The following PHF3 variants were observed in gnomAD, a reference collection of about 807,000 sequenced individuals.
PHF3 encodes the protein PHD finger protein 3.
PHF3 carries 41 observed loss-of-function variants against 178.4 expected under a neutral mutation model. The ratio of observed to expected loss-of-function variants is 0.23; its 90% CI spans 0.18 to 0.30. The LOEUF is 0.30. Ranked by LOEUF, PHF3 falls within the 10% of genes least tolerant of loss-of-function variation. The probability of loss-of-function intolerance (pLI) is 1.00; values close to 1 mark genes in which losing one functional copy is unlikely to be tolerated. For missense variants in PHF3, 2,346 were observed against 2,398.1 expected (o/e 0.98, Z 0.45); for synonymous variants, 842 against 800.5 (o/e 1.05, Z -0.88).
chr6:63,703,488 G>T (rs759208992), intron 10 of PHF3, 48 bp from the exon 11 acceptor site: 2 of 1,565,358 alleles, frequency 1.3e-6, no homozygotes, highest in Admixed American at 2.1e-5. Context: ...TGATAATTGA[G>T]GCCAAATTTT....
At chr6:63,640,295 A>T (rs1764517779) in intron 1 of PHF3, among the ~76,000 whole-genome samples, 2 of 152,198 alleles carry the variant, frequency 1.3e-5, no homozygotes, top group Admixed American at 1.3e-4. Flanking sequence ...ATAACCCATG[A>T]TTCATCTTTA....
At chr6:63,639,490 G>T (rs1561933802) in intron 1 of PHF3, among the ~76,000 whole-genome samples, 1 of 151,930 alleles carries the variant, frequency 6.6e-6, no homozygotes, top group Admixed American at 6.5e-5. Context: ...TTTTATTTTG[G>T]AAGAAGGATG....
Position 63,680,064 on chromosome 6 carries a change from TGAA to T in PHF3, c.316_318del (p.Glu106del), listed in dbSNP as rs1395752094. 3 of 1,612,914 alleles carry T rather than the reference TGAA, an allele frequency of 1.9e-6. No homozygotes were observed. The highest frequency in any genetic ancestry group is 1.1e-5 in the South Asian group (1 of 91,000). ...AAGAAAGTGGCAATGATACCATTGATGAAGAAGAACTGATTTTACCTAACAGGA... is the reference window on the plus strand; with the variant it reads ...AAGAAAGTGGCAATGATACCATTGATGAAGAACTGATTTTACCTAACAGGA... On this transcript the variant is annotated inframe_deletion, in exon 3 of 16. Coordinates refer to ENST00000262043, the MANE Select transcript of PHF3 (RefSeq NM_001370348.2).
At chr6:63,686,561 C>A (rs1158486344) in intron 4 of PHF3, among the ~76,000 whole-genome samples, 3 of 152,086 alleles carry the variant, frequency 2.0e-5, no homozygotes, top group Non-Finnish European at 2.9e-5. Flanking sequence ...TGACTTTCAT[C>A]ATTCTTTCTA....
At position 63,712,195 on chromosome 6, in the gene PHF3, A is replaced by T; in HGVS notation, c.4607A>T (p.Lys1536Met). ...KVDNISESTD[K>M]SAEIETSVVG... ...GATAATATTTCAGAATCTACAGATAAGTCAGCAGAAATAGAAACATCAGTA... is the reference window on the plus strand; with the variant it reads ...GATAATATTTCAGAATCTACAGATATGTCAGCAGAAATAGAAACATCAGTA... Residue 1536 changes from lysine (K) to methionine (M), a missense_variant, in exon 16 of 16, where the codon AAG becomes ATG. By Grantham distance (95) the Lys-to-Met change is moderately conservative. Coordinates refer to ENST00000262043, the MANE Select transcript of PHF3 (RefSeq NM_001370348.2). The T allele has an allele frequency of 1.9e-6, 3 of 1,614,002 alleles. No homozygotes were observed. Among genetic ancestry groups the T allele is most frequent in the Non-Finnish European group, 2.5e-6 (3 of 1,179,894 alleles).
chr6:63,713,916 G>T lies in PHF3; in HGVS notation c.*208G>T. 2.5e-6 allele frequency: 1 copy of T among 404,764 alleles called. No homozygotes were observed. The highest frequency in any genetic ancestry group is 1.0e-4 in the South Asian group (1 of 9,912). The allele number at this position is 404,764 out of a possible 1,614,324, so 25.1% of individuals were successfully genotyped here. A position where few individuals can be genotyped will look rare whatever the true frequency, so the allele number is the denominator to read the frequency against. On this transcript the variant is annotated 3_prime_UTR_variant, in exon 16 of 16. Coordinates refer to ENST00000262043, the MANE Select transcript of PHF3 (RefSeq NM_001370348.2). ...TTCATACCAACGGTCCCTAGTTATA[G>T]GAATTTAATATTTTTAAAAGTTTTA...
chr6:63,694,791 A>G, intron 6 of PHF3, 27 bp downstream of exon 6: 2 of 1,239,522 alleles, frequency 1.6e-6, no homozygotes, highest in Non-Finnish European at 2.1e-6. Context: ...AAAAAATTAT[A>G]TACTAATATA....
In PHF3 at chr6:63,721,432, C is replaced by A; in HGVS notation, c.*7724C>A. 6.4e-7 allele frequency: 1 copy of A among 1,551,676 alleles called. No homozygotes were observed. The highest frequency in any genetic ancestry group is 8.7e-7 in the Non-Finnish European group (1 of 1,146,946). ...TCACAGTCACCTACATTTGAGCCACCTTTTGCTCCAAATTCAGTTAATTGT... is the reference window on the plus strand; with the variant it reads ...TCACAGTCACCTACATTTGAGCCACATTTTGCTCCAAATTCAGTTAATTGT... On this transcript the variant is annotated 3_prime_UTR_variant, in exon 16 of 16. Coordinates refer to ENST00000262043, the MANE Select transcript of PHF3 (RefSeq NM_001370348.2).
At position 63,721,893 on chromosome 6, in the gene PHF3, T is replaced by C. The variant is rs1484251805; in HGVS notation, c.*8185T>C. ...GGCCAAGTTGGATAAGTTTTAGTTATGGGGAAAAAAGTAACAGATCTTGAG... is the reference window on the plus strand; with the variant it reads ...GGCCAAGTTGGATAAGTTTTAGTTACGGGGAAAAAAGTAACAGATCTTGAG... On this transcript the variant is annotated 3_prime_UTR_variant, in exon 16 of 16. Coordinates refer to ENST00000262043, the MANE Select transcript of PHF3 (RefSeq NM_001370348.2). 4.1e-5 allele frequency: 49 copies of C among 1,187,868 alleles called. No individual in the cohort carries two copies. Among genetic ancestry groups the C allele is most frequent in the Non-Finnish European group, 5.6e-5 (48 of 864,434 alleles). The allele number at this position is 1,187,868 out of a possible 1,614,324, so 73.6% of individuals were successfully genotyped here.
chr6:63,643,532 G>GTGAT (rs780022693), intron 1 of PHF3, among the ~76,000 whole-genome samples: 46 of 152,182 alleles, frequency 3.0e-4, no homozygotes, highest in Non-Finnish European at 8.8e-5. Flanking sequence ...ACTCACAAAT[G>GTGAT]TGATACGCTT....
At chr6:63,645,563 A>T (rs1764748944) in intron 1 of PHF3, among the ~76,000 whole-genome samples, 1 of 152,176 alleles carries the variant, frequency 6.6e-6, no homozygotes, top group Non-Finnish European at 1.5e-5. Context: ...AAATCTTGGA[A>T]TTAAGGAGCC....
intron 6 of PHF3, among the ~76,000 whole-genome samples, chr6:63,696,026 T>C (rs187719723): frequency 1.2e-3 from 181 of 152,258 alleles, no homozygotes; most frequent in African/African-American, 4.3e-3. Flanking sequence ...TTAGTACAGG[T>C]TAAACATCCC....
Position 63,720,733 on chromosome 6 carries a change from T to TA in PHF3, c.*7027dup. On this transcript the variant is annotated 3_prime_UTR_variant, in exon 16 of 16. Coordinates refer to ENST00000262043, the MANE Select transcript of PHF3 (RefSeq NM_001370348.2). ...AAATTGGTTTTAAAAATCTCTTGAG[T>TA]AACGATATTTACCTTTCTACCATAT... 6.5e-7 allele frequency: 1 copy of TA among 1,549,484 alleles called. No individual in the cohort carries two copies. The highest frequency in any genetic ancestry group is 8.7e-7 in the Non-Finnish European group (1 of 1,146,058).
Position 63,713,030 on chromosome 6 carries a change from A to G in PHF3, c.5442A>G (p.Gly1814=), listed in dbSNP as rs1365991487. Residue 1814 remains glycine, a synonymous_variant, in exon 16 of 16, where the codon GGA becomes GGG. Coordinates refer to ENST00000262043, the MANE Select transcript of PHF3 (RefSeq NM_001370348.2). The part of the protein sequence containing the change: ...NLQHLKSSPP[G]FPFPGPPNFP... ...AGCATCTCAAGTCTAGCCCACCTGGATTTCCATTTCCAGGGCCTCCTAATT... is the reference window on the plus strand; with the variant it reads ...AGCATCTCAAGTCTAGCCCACCTGGGTTTCCATTTCCAGGGCCTCCTAATT... The G allele has an allele frequency of 6.2e-7, 1 of 1,613,928 alleles. No homozygotes were observed. The highest frequency in any genetic ancestry group is 1.3e-5 in the African/African-American group (1 of 74,960).
At chr6:63,678,490 T>G (rs907339825) in intron 2 of PHF3, among the ~76,000 whole-genome samples, 1 of 152,202 alleles carries the variant, frequency 6.6e-6, no homozygotes, top group African/African-American at 2.4e-5. Context: ...GCAGGAAATT[T>G]GGAAAATAGG....
intron 14 of PHF3, among the ~76,000 whole-genome samples, chr6:63,710,427 G>A (rs993488393): frequency 2.6e-5 from 4 of 152,034 alleles, no homozygotes; most frequent in Non-Finnish European, 5.9e-5. Context: ...TCATTCACAT[G>A]TTTTCCTTAG....
rs1414618086 is a variant in PHF3 at position 63,641,521 on chromosome 6, GGTGTGTATGT to G, written c.-25-4999_-25-4990del. Among the ~76,000 whole-genome samples, 1,222 of 128,396 alleles carry G rather than the reference GGTGTGTATGT, an allele frequency of 9.5e-3. 13 individuals are homozygous for G. The highest frequency in any genetic ancestry group is 0.037 in the African/African-American group (1,161 of 31,200). 84.2% of individuals were successfully genotyped at this position (128,396 alleles called of 152,430 possible). Reference sequence around the variant, plus strand: ...TGATAGCTTTAGTGATTTATTGTTAGGTGTGTATGTGTGTGTGTGTGTGTGTGTGTGTGTG... The same window carrying G: ...TGATAGCTTTAGTGATTTATTGTTAGGTGTGTGTGTGTGTGTGTGTGTGTG... On this transcript the variant is annotated intron_variant, in intron 1 of 15. Coordinates refer to ENST00000262043, the MANE Select transcript of PHF3 (RefSeq NM_001370348.2).
intron 2 of PHF3, among the ~76,000 whole-genome samples, chr6:63,677,240 A>C (rs759588834): frequency 2.0e-5 from 3 of 152,140 alleles, no homozygotes; most frequent in African/African-American, 4.8e-5. Flanking sequence ...CCTGGATAAG[A>C]TCACCTTAGG....
Position 63,635,913 on chromosome 6 carries a change from C to T in PHF3, c.-263C>T. 1 of 397,986 alleles carries T rather than the reference C, an allele frequency of 2.5e-6. No individual in the cohort carries two copies. The highest frequency in any genetic ancestry group is 4.4e-6 in the Non-Finnish European group (1 of 225,684). The allele number at this position is 397,986 out of a possible 1,614,324, so 24.7% of individuals were successfully genotyped here. A position where few individuals can be genotyped will look rare whatever the true frequency, so the allele number is the denominator to read the frequency against. On this transcript the variant is annotated 5_prime_UTR_variant, in exon 1 of 16. Coordinates refer to ENST00000262043, the MANE Select transcript of PHF3 (RefSeq NM_001370348.2). ...CCCCACGCGGCAAGCGACCTTCGGG[C>T]TCAGGGCGGCGGCGGCTGCAACGAG...
Sources: allele counts gnomAD v4.1 joint callset (sites outside exome capture counted in the v4.1 genomes callset), GRCh38; gene constraint gnomAD v4.1.1; transcripts MANE v1.5; gene names NCBI Gene and HGNC (gene_info 2026-07-23, HGNC 2026-07-21).